Variants in REDIC1 observed in about 807,000 individuals in gnomAD.
REDIC1 encodes the protein HEI10 Interacting Protein 1.
chr12:39,856,613 C>A, the REDIC1 span, among the ~76,000 whole-genome samples: 1 of 152,244 alleles, frequency 6.6e-6, no homozygotes, highest in Admixed American at 6.5e-5. Context: ...GTGATTTGCC[C>A]ACCTCGGCCT....
the REDIC1 span, chr12:39,643,852 C>T: frequency 1.3e-6 from 2 of 1,574,784 alleles, no homozygotes; most frequent in East Asian, 2.3e-5. Flanking sequence ...AAAAATTCTG[C>T]TGTCAGCTTA....
At chr12:39,672,678 C>T in the REDIC1 span, among the ~76,000 whole-genome samples, 1 of 152,110 alleles carries the variant, frequency 6.6e-6, no homozygotes, top group African/African-American at 2.4e-5. Context: ...CCACCTTTTC[C>T]CTAGTGTGCA....
chr12:39,905,822 G>GAAA, the REDIC1 span, among the ~76,000 whole-genome samples: 64,302 of 145,320 alleles, frequency 0.44, 14,439 homozygotes, highest in Non-Finnish European at 0.46. Context: ...AAAATGCCCA[G>GAAA]AAAAAAAAAA....
At chr12:39,705,779 C>A in the REDIC1 span, among the ~76,000 whole-genome samples, 49 of 151,894 alleles carry the variant, frequency 3.2e-4, no homozygotes, top group African/African-American at 1.2e-3. Flanking sequence ...TGGTAAAAAC[C>A]TTCAAAAAAT....
chr12:39,905,858 T>C, the REDIC1 span, among the ~76,000 whole-genome samples: 1 of 151,680 alleles, frequency 6.6e-6, no homozygotes, highest in South Asian at 2.1e-4. Flanking sequence ...GGATAACTTA[T>C]TCTACTGTCT....
At chr12:39,670,035 C>T in the REDIC1 span, among the ~76,000 whole-genome samples, 1 of 152,174 alleles carries the variant, frequency 6.6e-6, no homozygotes, top group Non-Finnish European at 1.5e-5. Context: ...TAGGCTCACT[C>T]TGGATGCTGC....
the REDIC1 span, among the ~76,000 whole-genome samples, chr12:39,806,467 A>G: frequency 1.1e-3 from 167 of 152,260 alleles, no homozygotes; most frequent in South Asian, 5.0e-3. Context: ...TTTCCCTGGG[A>G]TCCAATTAGA....
the REDIC1 span, among the ~76,000 whole-genome samples, chr12:39,711,539 ATATG>A: frequency 4.0e-4 from 50 of 125,072 alleles, no homozygotes; most frequent in Non-Finnish European, 5.5e-4. Context: ...GTATATACAT[ATATG>A]TATGTGCATA....
At chr12:39,723,152 GCTCC>G in the REDIC1 span, among the ~76,000 whole-genome samples, 1 of 152,122 alleles carries the variant, frequency 6.6e-6, no homozygotes, top group Non-Finnish European at 1.5e-5. Flanking sequence ...ATGACTGAAA[GCTCC>G]CTGTTTATTA....
At chr12:39,735,568 T>C in the REDIC1 span, among the ~76,000 whole-genome samples, 1 of 152,210 alleles carries the variant, frequency 6.6e-6, no homozygotes, top group Non-Finnish European at 1.5e-5. Context: ...AAATACAACT[T>C]TCTCATTGTA....
the REDIC1 span, among the ~76,000 whole-genome samples, chr12:39,896,264 GTGTATATA>G: frequency 4.9e-4 from 68 of 139,624 alleles, 2 homozygotes; most frequent in African/African-American, 1.7e-3. Context: ...ATGTATATGT[GTGTATATA>G]TGTATACATG....
At chr12:39,767,188 C>A in the REDIC1 span, among the ~76,000 whole-genome samples, 1 of 152,006 alleles carries the variant, frequency 6.6e-6, no homozygotes, top group Non-Finnish European at 1.5e-5. Flanking sequence ...CCATGGGCTG[C>A]AGAATGGATG....
the REDIC1 span, among the ~76,000 whole-genome samples, chr12:39,852,380 G>T: frequency 1.3e-5 from 2 of 152,186 alleles, no homozygotes; most frequent in African/African-American, 4.8e-5. Flanking sequence ...TTTCTACAGT[G>T]TAACAAATGT....
chr12:39,646,179 G>T, the REDIC1 span: 8 of 281,508 alleles, frequency 2.8e-5, no homozygotes, highest in East Asian at 6.8e-5. Context: ...TGTTTATATT[G>T]TAATGATTTA....
chr12:39,763,021 G>GA, the REDIC1 span, among the ~76,000 whole-genome samples: 1 of 151,986 alleles, frequency 6.6e-6, no homozygotes, highest in East Asian at 1.9e-4. Context: ...GCCTTTCTAT[G>GA]AAAAATGCTT....
the REDIC1 span, chr12:39,871,735 AG>A: frequency 6.8e-7 from 1 of 1,464,844 alleles, no homozygotes; most frequent in Non-Finnish European, 9.1e-7. Context: ...GTATTTTTGA[AG>A]GTTAAACTTG....
chr12:39,675,343 C>T, the REDIC1 span, among the ~76,000 whole-genome samples: 2 of 152,012 alleles, frequency 1.3e-5, no homozygotes, highest in Admixed American at 6.5e-5. Flanking sequence ...CTTTGGTAGC[C>T]AAAGACAAAA....
the REDIC1 span, among the ~76,000 whole-genome samples, chr12:39,708,829 A>T: frequency 0.019 from 2,955 of 151,878 alleles, 90 homozygotes; most frequent in African/African-American, 0.066. Flanking sequence ...CTTTTTAAAA[A>T]GTTTTTTCCT....
At chr12:39,849,794 T>C in the REDIC1 span, among the ~76,000 whole-genome samples, 30 of 152,188 alleles carry the variant, frequency 2.0e-4, no homozygotes, top group African/African-American at 6.8e-4. Context: ...AAGGCTTTAA[T>C]ATTTCAAGGT....
Sources: allele counts gnomAD v4.1 joint callset (sites outside exome capture counted in the v4.1 genomes callset), GRCh38; gene constraint gnomAD v4.1.1; transcripts MANE v1.5; gene names NCBI Gene and HGNC (gene_info 2026-07-23, HGNC 2026-07-21).